The following SEH1L variants were observed in gnomAD, a reference collection of about 807,000 sequenced individuals.
SEH1L encodes the protein SEH1 like nucleoporin.
SEH1L carries 18 observed loss-of-function variants against 49.5 expected under a neutral mutation model. That is an observed-to-expected ratio of 0.36 (90% CI 0.25 to 0.54). The LOEUF is 0.54. Ranked by LOEUF, SEH1L falls within the 20% of genes least tolerant of loss-of-function variation. The probability of loss-of-function intolerance (pLI) is 0.87; values close to 1 mark genes in which losing one functional copy is unlikely to be tolerated. For missense variants in SEH1L, 404 were observed against 528.8 expected (o/e 0.76, Z 2.31); for synonymous variants, 169 against 178.1 (o/e 0.95, Z 0.41).
intron 5 of SEH1L, chr18:12,974,122 C>T (rs1190254859): frequency 6.6e-6 from 1 of 151,678 alleles, no homozygotes; most frequent in Non-Finnish European, 1.5e-5. Flanking sequence ...GTGCTATTGA[C>T]TTGGGAAGTA....
chr18:12,966,313 A>C (rs1321719838), intron 4 of SEH1L, among the ~76,000 whole-genome samples: 2 of 152,126 alleles, frequency 1.3e-5, no homozygotes, highest in Non-Finnish European at 2.9e-5. Context: ...GCTGGTCTCG[A>C]ACTCCTGAGC....
intron 1 of SEH1L, among the ~76,000 whole-genome samples, chr18:12,950,887 C>T (rs1444815823): frequency 6.6e-6 from 1 of 151,580 alleles, no homozygotes; most frequent in East Asian, 1.9e-4. Flanking sequence ...TGGCTATTCA[C>T]GGGCGTGATC....
intron 8 of SEH1L, chr18:12,985,320 G>A (rs1256441185): frequency 2.5e-6 from 4 of 1,576,974 alleles, no homozygotes; most frequent in Non-Finnish European, 3.4e-6. Flanking sequence ...TGGAAAGCGA[G>A]CTCCTTTTCC....
In SEH1L at chr18:12,967,128, A is replaced by G. The variant is rs140610410; in HGVS notation, c.521+3757A>G. On this transcript the variant is annotated intron_variant, in intron 4 of 8. Coordinates refer to ENST00000399892, the MANE Select transcript of SEH1L (RefSeq NM_001013437.2). ...TTATCATTTGCACTGGCAATGTTCT[A>G]TAAAGTTGCCATGAACACTGAATTA... Among the ~76,000 whole-genome samples, 689 of 152,344 alleles carry G rather than the reference A, an allele frequency of 4.5e-3. 6 individuals are homozygous for G. Among genetic ancestry groups the G allele is most frequent in the African/African-American group, 0.015 (635 of 41,566 alleles).
At chr18:12,957,374 G>A (rs1164105741) in intron 3 of SEH1L, among the ~76,000 whole-genome samples, 2 of 151,824 alleles carry the variant, frequency 1.3e-5, no homozygotes, top group East Asian at 3.9e-4. Context: ...GTTGTGATGA[G>A]CAGAGATCGT....
chr18:12,948,055 C>G lies in SEH1L; in HGVS notation c.-67C>G. On this transcript the variant is annotated 5_prime_UTR_variant, in exon 1 of 9. Transcript: ENST00000399892. ...CGGGCTGCGAGGTCTGGCTAGGCTA[C>G]GGGCCACGCGCCGCCGCCGCTGCCG... 8.0e-7 allele frequency: 1 copy of G among 1,244,146 alleles called. No individual in the cohort carries two copies. The highest frequency in any genetic ancestry group is 1.3e-5 in the South Asian group (1 of 78,846). The allele number at this position is 1,244,146 out of a possible 1,614,324, so 77.1% of individuals were successfully genotyped here.
chr18:12,986,073 G>A (rs1598986859), intron 8 of SEH1L: 3 of 984,274 alleles, frequency 3.0e-6, no homozygotes, highest in Non-Finnish European at 3.6e-6. Flanking sequence ...ACTATTAAGA[G>A]AAGCCATTAA....
intron 5 of SEH1L, chr18:12,977,741 G>C (rs2031985496): frequency 6.6e-6 from 1 of 152,146 alleles, no homozygotes; most frequent in Admixed American, 6.5e-5. Flanking sequence ...CCTGTTACCA[G>C]CTTTACTTTT....
At chr18:12,948,772 C>A (rs1303302654) in intron 1 of SEH1L, 1 of 152,414 alleles carries the variant, frequency 6.6e-6, no homozygotes, top group Admixed American at 6.5e-5. Flanking sequence ...CTGCTTGCTG[C>A]CCAGGAATCG....
At chr18:12,952,247 T>G (rs1006837806) in intron 2 of SEH1L, among the ~76,000 whole-genome samples, 24 of 151,666 alleles carry the variant, frequency 1.6e-4, no homozygotes, top group Non-Finnish European at 1.8e-4. Context: ...TTTTTTTTTT[T>G]TGAGACGGAG....
At position 12,983,947 on chromosome 18, in the gene SEH1L, T is replaced by C. The variant is rs2032369076; in HGVS notation, c.920-93T>C. 5 of 887,622 alleles carry C rather than the reference T, an allele frequency of 5.6e-6. No individual in the cohort carries two copies. In the East Asian group the frequency reaches 1.3e-4, roughly 22 times the overall value. 55.0% of individuals were successfully genotyped at this position (887,622 alleles called of 1,614,324 possible). Reference sequence around the variant, plus strand: ...ATGTAGCTCATAGCCTCTGTCTCGTTTCTTTAATTGTAGTTTAAGGACATG... The same window carrying C: ...ATGTAGCTCATAGCCTCTGTCTCGTCTCTTTAATTGTAGTTTAAGGACATG... On this transcript the variant is annotated intron_variant, in intron 7 of 8. Coordinates refer to ENST00000399892, the MANE Select transcript of SEH1L (RefSeq NM_001013437.2).
At chr18:12,967,766 T>C (rs2031515737) in intron 4 of SEH1L, among the ~76,000 whole-genome samples, 4 of 151,960 alleles carry the variant, frequency 2.6e-5, no homozygotes, top group Admixed American at 2.0e-4. Flanking sequence ...ATACAAAAAT[T>C]AGATGGGCGT....
chr18:12,967,598 T>C (rs998703440), intron 4 of SEH1L, among the ~76,000 whole-genome samples: 24 of 152,174 alleles, frequency 1.6e-4, no homozygotes, highest in Admixed American at 3.3e-4. Context: ...GCAGAGCTGC[T>C]CTGCACCTGC....
intron 2 of SEH1L, 94 bp from the exon 3 acceptor site, chr18:12,955,369 C>T: frequency 8.4e-7 from 1 of 1,184,662 alleles, no homozygotes; most frequent in Non-Finnish European, 1.2e-6. Context: ...TGATGTAAAA[C>T]CAGTGTTTAT....
intron 1 of SEH1L, among the ~76,000 whole-genome samples, chr18:12,950,956 G>T (rs945781839): frequency 5.9e-5 from 9 of 152,092 alleles, no homozygotes; most frequent in African/African-American, 2.2e-4. Flanking sequence ...TGAGTAGCTG[G>T]GACTACAGGT....
At chr18:12,955,752 T>C in intron 3 of SEH1L, 143 bp downstream of exon 3, 1 of 804,392 alleles carries the variant, frequency 1.2e-6, no homozygotes, top group Non-Finnish European at 1.9e-6. Flanking sequence ...TTCCATGTTT[T>C]TTTCTTCCTT....
At chr18:12,974,998 A>AT (rs200167127) in intron 5 of SEH1L, among the ~76,000 whole-genome samples, 5,124 of 147,000 alleles carry the variant, frequency 0.035, 274 homozygotes, top group African/African-American at 0.12. Flanking sequence ...TTTTTATTTT[A>AT]TTTTTTTTTT....
At chr18:12,961,271 G>A (rs1163647656) in intron 3 of SEH1L, among the ~76,000 whole-genome samples, 1 of 152,158 alleles carries the variant, frequency 6.6e-6, no homozygotes, top group Non-Finnish European at 1.5e-5. Flanking sequence ...CTTGAGCCCA[G>A]TCATCCAACT....
At chr18:12,986,758 C>T in intron 8 of SEH1L, 104 bp from the exon 9 acceptor site, 4 of 1,198,242 alleles carry the variant, frequency 3.3e-6, no homozygotes, top group Non-Finnish European at 4.2e-6. Context: ...TGTGTTTTCT[C>T]CTCTTTGGTT....
Sources: allele counts gnomAD v4.1 joint callset (sites outside exome capture counted in the v4.1 genomes callset), GRCh38; gene constraint gnomAD v4.1.1; transcripts MANE v1.5; gene names NCBI Gene and HGNC (gene_info 2026-07-23, HGNC 2026-07-21).